Variants in ARMH3 observed in about 807,000 individuals in gnomAD.
The protein encoded by ARMH3 is armadillo like helical domain containing 3, also known as armadillo-like helical domain-containing protein 3.
ARMH3 carries 60 observed loss-of-function variants against 99.1 expected under a neutral mutation model. That is an observed-to-expected ratio of 0.61 (90% CI 0.49 to 0.75). The LOEUF is 0.75. ARMH3 is among the 30% of genes least tolerant of loss of function. The pLI is 0.00. For missense variants in ARMH3, 679 were observed against 843.1 expected, an observed-to-expected ratio of 0.81 and a Z score of 2.41; for synonymous variants, 285 against 292.8, an observed-to-expected ratio of 0.97 and a Z score of 0.27.
intron 25 of ARMH3, among the ~76,000 whole-genome samples, chr10:101,847,833 AAACTC>A (rs2066498128): frequency 6.6e-6 from 1 of 152,212 alleles, no homozygotes; most frequent in Non-Finnish European, 1.5e-5. Context: ...GGACAGGAAC[AAACTC>A]TGGAGGATGT....
Position 101,975,213 on chromosome 10 carries a change from T to C in ARMH3, c.1494A>G (p.Ser498=), listed in dbSNP as rs761026181. Residue 498 remains serine, a splice_region_variant and synonymous_variant, in exon 20 of 26, where the codon TCA becomes TCG. Transcript: ENST00000370033. ...GATGAATTCAAGAGAGAAAGTTACC[T>C]GACCAGAGCTCCCGCCAGGTGTAAT... ...RLHYTWRELW[S]ALINLLKFLM... 4 of 1,611,594 alleles carry C rather than the reference T, an allele frequency of 2.5e-6. No homozygotes were observed. In the East Asian group the frequency reaches 6.7e-5, roughly 27 times the overall value.
At chr10:101,923,005 C>T (rs751321184) in intron 23 of ARMH3, among the ~76,000 whole-genome samples, 4 of 152,084 alleles carry the variant, frequency 2.6e-5, no homozygotes, top group Non-Finnish European at 4.4e-5. Flanking sequence ...ATCCCACTCA[C>T]ATGTTAGTGG....
chr10:101,885,915 A>G (rs1589965550), intron 24 of ARMH3, among the ~76,000 whole-genome samples: 1 of 151,754 alleles, frequency 6.6e-6, no homozygotes, highest in African/African-American at 2.4e-5. Flanking sequence ...AAATTAGCTG[A>G]GCGTGGTGGT....
At chr10:102,019,698 C>T (rs1274396368) in intron 8 of ARMH3, among the ~76,000 whole-genome samples, 4 of 152,068 alleles carry the variant, frequency 2.6e-5, no homozygotes, top group South Asian at 2.1e-4. Context: ...GAGGCCGAGG[C>T]GGGCGGATCA....
At chr10:101,868,304 A>C (rs1008852322) in intron 24 of ARMH3, among the ~76,000 whole-genome samples, 1 of 152,250 alleles carries the variant, frequency 6.6e-6, no homozygotes, top group South Asian at 2.1e-4. Context: ...AAGGTTTCCA[A>C]TTATTCAAGA....
intron 23 of ARMH3, among the ~76,000 whole-genome samples, chr10:101,893,928 A>G (rs926583842): frequency 2.0e-5 from 3 of 152,148 alleles, no homozygotes; most frequent in Non-Finnish European, 4.4e-5. Context: ...TCCTGAGGGT[A>G]TTTACCACTC....
intron 14 of ARMH3, 113 bp downstream of exon 14, chr10:102,006,427 A>G: frequency 8.1e-7 from 1 of 1,232,444 alleles, no homozygotes; most frequent in Admixed American, 2.0e-5. Context: ...CTACAGACCA[A>G]TTTAGTGGGA....
chr10:101,963,295 A>T (rs1845386500), intron 20 of ARMH3, among the ~76,000 whole-genome samples: 1 of 152,024 alleles, frequency 6.6e-6, no homozygotes, highest in Non-Finnish European at 1.5e-5. Context: ...GGCACCTGCC[A>T]CCACACCTGC....
chr10:102,037,048 C>T (rs551153679), intron 2 of ARMH3, among the ~76,000 whole-genome samples: 10 of 150,768 alleles, frequency 6.6e-5, no homozygotes, highest in African/African-American at 2.0e-4. Context: ...CAAGACACCA[C>T]CTCAAAATAA....
chr10:101,905,686 T>C (rs951682772), intron 23 of ARMH3, among the ~76,000 whole-genome samples: 2 of 152,150 alleles, frequency 1.3e-5, no homozygotes, highest in Non-Finnish European at 2.9e-5. Flanking sequence ...GCTAGAAAGG[T>C]AGGTTGGGAT....
At chr10:101,901,326 C>T (rs193230248) in intron 23 of ARMH3, among the ~76,000 whole-genome samples, 35 of 151,726 alleles carry the variant, frequency 2.3e-4, no homozygotes, top group African/African-American at 8.0e-4. Flanking sequence ...TTAAAAGACA[C>T]GGAAACAGGC....
At chr10:101,871,981 C>CAG (rs781459678) in intron 24 of ARMH3, among the ~76,000 whole-genome samples, 7 of 151,332 alleles carry the variant, frequency 4.6e-5, no homozygotes, top group Admixed American at 4.6e-4. Context: ...GCTTGGGCGA[C>CAG]AGAGTAAGAC....
intron 23 of ARMH3, among the ~76,000 whole-genome samples, chr10:101,907,917 G>A (rs145318494): frequency 8.5e-5 from 13 of 152,162 alleles, no homozygotes; most frequent in African/African-American, 2.9e-4. Context: ...CTCCCATGCC[G>A]CACTTCAAGC....
At chr10:102,015,829 G>A (rs929956496) in intron 8 of ARMH3, among the ~76,000 whole-genome samples, 3 of 152,204 alleles carry the variant, frequency 2.0e-5, no homozygotes, top group African/African-American at 7.2e-5. Context: ...TATAGATTGA[G>A]TATCTCATCT....
chr10:102,003,772 C>A (rs1210694962), intron 14 of ARMH3, among the ~76,000 whole-genome samples: 1 of 152,166 alleles, frequency 6.6e-6, no homozygotes, highest in African/African-American at 2.4e-5. Context: ...CCATAATAAA[C>A]AGCAAGCACA....
intron 22 of ARMH3, among the ~76,000 whole-genome samples, chr10:101,943,880 C>T (rs1207350600): frequency 4.0e-5 from 6 of 151,278 alleles, no homozygotes; most frequent in South Asian, 2.1e-4. Flanking sequence ...CTGGCAAACA[C>T]GGTGAAACTC....
chr10:101,956,446 C>T (rs1845040864), intron 22 of ARMH3, 151 bp downstream of exon 22: 3 of 984,950 alleles, frequency 3.0e-6, no homozygotes, highest in African/African-American at 1.7e-5. Flanking sequence ...CCACATGTAC[C>T]TTCCTATTGC....
intron 24 of ARMH3, among the ~76,000 whole-genome samples, chr10:101,874,872 G>A (rs1306571562): frequency 6.6e-6 from 1 of 152,144 alleles, no homozygotes; most frequent in African/African-American, 2.4e-5. Flanking sequence ...AAAGGGTCAG[G>A]TGGGACTGCT....
chr10:101,887,089 G>A (rs1380578925), intron 24 of ARMH3, among the ~76,000 whole-genome samples: 3 of 152,158 alleles, frequency 2.0e-5, no homozygotes, highest in Non-Finnish European at 4.4e-5. Flanking sequence ...ACACATGCTG[G>A]AGATTAACAA....
Sources: gnomAD v4.1 joint callset for allele counts (sites outside exome capture counted in the v4.1 genomes callset) on GRCh38, gnomAD v4.1.1 for gene constraint, MANE v1.5 for transcripts, NCBI Gene and HGNC (gene_info 2026-07-23, HGNC 2026-07-21) for gene names.